SLC12A6: variants seen among roughly 807,000 people sequenced by gnomAD.
SLC12A6 encodes the protein K-Cl cotransporter 3.
A neutral mutation model predicts 135.3 loss-of-function variants in SLC12A6; 66 were observed. That is an observed-to-expected ratio of 0.49 (90% CI 0.40 to 0.60). The LOEUF (loss-of-function observed/expected upper bound fraction) is 0.60, where lower values mean the gene tolerates loss of function less well. Ranked by LOEUF, SLC12A6 falls within the 20% of genes least tolerant of loss-of-function variation. The pLI is 0.00. For missense variants in SLC12A6, 1,058 were observed against 1,452.3 expected (o/e 0.73, Z 4.41); for synonymous variants, 513 against 508.8 (o/e 1.01, Z -0.11).
chr15:34,332,445 C>T lies in SLC12A6; in HGVS notation c.271+3965G>A, dbSNP rs367577916. Among the ~76,000 whole-genome samples the T allele has an allele frequency of 3.3e-5, 5 of 152,132 alleles. No homozygotes were observed. The East Asian group carries it at 9.6e-4, about 29-fold the overall frequency. On this transcript the variant is annotated intron_variant, in intron 2 of 25. Coordinates refer to ENST00000354181, the MANE Select transcript of SLC12A6 (RefSeq NM_001365088.1). ...TAATACCAGACTGCCTCATACATAC[C>T]AGCGTCTCAGGGAGTATCTGTTGAC...
At chr15:34,239,456 C>T (rs1206619701) in intron 19 of SLC12A6, among the ~76,000 whole-genome samples, 1 of 152,176 alleles carries the variant, frequency 6.6e-6, no homozygotes, top group Non-Finnish European at 1.5e-5. Context: ...ACAGGGATCT[C>T]TACAAAGTGA....
At chr15:34,294,925 T>C (rs1005041331) in intron 2 of SLC12A6, among the ~76,000 whole-genome samples, 4 of 152,238 alleles carry the variant, frequency 2.6e-5, no homozygotes, top group African/African-American at 9.6e-5. Flanking sequence ...ACTTTCCCTA[T>C]TCATATTACA....
In SLC12A6 at chr15:34,336,566, A is replaced by G; in HGVS notation, c.115T>C (p.Ser39Pro). 6.2e-7 allele frequency: 1 copy of G among 1,613,996 alleles called. No homozygotes were observed. Among genetic ancestry groups the G allele is most frequent in the Non-Finnish European group, 8.5e-7 (1 of 1,179,968 alleles). Residue 39 changes from serine to proline, a missense_variant, in exon 2 of 26, where the codon TCT becomes CCT. Ser to Pro is a moderately conservative substitution (Grantham distance 74). Transcript: ENST00000354181. ...GAGCTAAATCTTACTCGGGAACTAG[A>G]TCGAGAGCTGAGGTCCGGACTGGTG... ...SDTSPDLSSR[S>P]SSRVRFSSRE...
intron 13 of SLC12A6, 93 bp downstream of exon 13, chr15:34,250,205 G>A: frequency 1.2e-6 from 1 of 836,996 alleles, no homozygotes; most frequent in Non-Finnish European, 2.1e-6. Context: ...GTGCCTGGCT[G>A]TGTTGAGTCT....
chr15:34,303,551 C>A (rs1344288312), intron 2 of SLC12A6, among the ~76,000 whole-genome samples: 1 of 152,080 alleles, frequency 6.6e-6, no homozygotes, highest in Admixed American at 6.6e-5. Flanking sequence ...GAAACATAAA[C>A]TACAGACCTG....
rs930739070 is a variant in SLC12A6, at chr15:34,308,646, A to C, written c.271+27764T>G. 3.4e-4 allele frequency among the ~76,000 whole-genome samples: 52 copies of C among 151,520 alleles called. 2 individuals carry two copies. In the East Asian group the frequency reaches 6.4e-3, roughly 19 times the overall value. ...TCCACCTGACAAAAAAAAAAAAAAA[A>C]AAAAAACAAACCAGATTGTTGGATT... On this transcript the variant is annotated intron_variant, in intron 2 of 25. Transcript: ENST00000354181.
chr15:34,303,284 A>G (rs1056819474), intron 2 of SLC12A6, among the ~76,000 whole-genome samples: 7 of 152,198 alleles, frequency 4.6e-5, no homozygotes, highest in African/African-American at 1.7e-4. Flanking sequence ...AACATTTCCT[A>G]AAGTTTTAAA....
intron 2 of SLC12A6, among the ~76,000 whole-genome samples, chr15:34,297,965 T>C (rs1895986431): frequency 1.3e-5 from 2 of 152,202 alleles, no homozygotes; most frequent in African/African-American, 2.4e-5. Flanking sequence ...GGTCTGTCCA[T>C]GTGCAAACAT....
At chr15:34,335,931 A>C (rs1157776603) in intron 2 of SLC12A6, among the ~76,000 whole-genome samples, 3 of 152,210 alleles carry the variant, frequency 2.0e-5, no homozygotes, top group Admixed American at 2.0e-4. Flanking sequence ...GATTTCAAAA[A>C]AGAATTTTGC....
chr15:34,261,537 A>G (rs560727893), intron 3 of SLC12A6, among the ~76,000 whole-genome samples: 2 of 152,208 alleles, frequency 1.3e-5, no homozygotes, highest in Admixed American at 1.3e-4. Flanking sequence ...GCCTCAAGTT[A>G]TCCGCCCACC....
intron 3 of SLC12A6, among the ~76,000 whole-genome samples, chr15:34,269,039 G>T (rs1057236172): frequency 5.3e-5 from 8 of 151,840 alleles, no homozygotes; most frequent in Admixed American, 5.2e-4. Context: ...TGTATTTTTA[G>T]TAGACATGGG....
At chr15:34,246,896 C>T (rs1397136684) in intron 13 of SLC12A6, among the ~76,000 whole-genome samples, 1 of 152,152 alleles carries the variant, frequency 6.6e-6, no homozygotes, top group Non-Finnish European at 1.5e-5. Flanking sequence ...TGTGATCTTC[C>T]CCTCTTGGCC....
chr15:34,292,242 C>T (rs1447987790), intron 2 of SLC12A6, among the ~76,000 whole-genome samples: 1 of 152,152 alleles, frequency 6.6e-6, no homozygotes, highest in South Asian at 2.1e-4. Flanking sequence ...AACAGACAGG[C>T]CACTCAGCTG....
intron 25 of SLC12A6, among the ~76,000 whole-genome samples, chr15:34,234,206 TA>T (rs1891101716): frequency 6.6e-6 from 1 of 152,044 alleles, no homozygotes; most frequent in African/African-American, 2.4e-5. Flanking sequence ...TGGGAAAACC[TA>T]GAAGTGTTAC....
At chr15:34,260,876 G>T in intron 4 of SLC12A6, 50 bp downstream of exon 4, 1 of 833,688 alleles carries the variant, frequency 1.2e-6, no homozygotes, top group South Asian at 1.3e-5. Context: ...TGGCTATCAT[G>T]AGATCTCTGT....
chr15:34,256,275 C>A lies in SLC12A6; in HGVS notation c.699G>T (p.Leu233Phe). Reference sequence around the variant, plus strand: ...CAATGGCACTCATGGAGATAGCAGTCAACATTGTCTGCAGAGAAAAGGAAA... The same window carrying A: ...CAATGGCACTCATGGAGATAGCAGTAAACATTGTCTGCAGAGAAAAGGAAA... ...IVLICCCCTM[L>F]TAISMSAIAT... Residue 233 changes from leucine to phenylalanine, a missense_variant, in exon 7 of 26, where the codon TTG (leucine) becomes TTT (phenylalanine). Leu to Phe is a conservative substitution (Grantham distance 22). This residue lies in a region of SLC12A6 where 139 missense variants were observed against 202.2 expected (regional missense o/e 0.69). Transcript: ENST00000354181. 4 of 1,603,218 alleles carry A rather than the reference C, an allele frequency of 2.5e-6. No individual in the cohort carries two copies. The highest frequency in any genetic ancestry group is 1.1e-5 in the South Asian group (1 of 90,836).
chr15:34,230,554 G>T lies in SLC12A6; in HGVS notation c.*3327C>A, dbSNP rs996726509. ...ATTGAAGGCAGAGGGTCAGCAGGAG[G>T]ATGTGTATTTCTAATCTACCCTGGT... is the stretch of plus-strand genomic sequence containing the variant. On this transcript the variant is annotated 3_prime_UTR_variant, in exon 26 of 26. Transcript: ENST00000354181. 1 of 152,630 alleles carries T rather than the reference G, an allele frequency of 6.6e-6. No homozygotes were observed. Among genetic ancestry groups the T allele is most frequent in the African/African-American group, 2.4e-5 (1 of 41,436 alleles). The allele number at this position is 152,630 out of a possible 1,614,324, so 9.5% of individuals were successfully genotyped here.
chr15:34,291,289 T>G (rs1895506902), intron 2 of SLC12A6, among the ~76,000 whole-genome samples: 1 of 152,230 alleles, frequency 6.6e-6, no homozygotes, highest in African/African-American at 2.4e-5. Flanking sequence ...TTCTTTTCTT[T>G]CAGAATGTTG....
intron 2 of SLC12A6, among the ~76,000 whole-genome samples, chr15:34,302,957 C>CAAAA (rs35647149): frequency 6.0e-5 from 5 of 83,276 alleles, no homozygotes; most frequent in Non-Finnish European, 8.0e-5. Flanking sequence ...GACCCTGTCT[C>CAAAA]AAAAAAAAAA....
Sources: allele counts gnomAD v4.1 joint callset (sites outside exome capture counted in the v4.1 genomes callset), GRCh38; gene constraint gnomAD v4.1.1; regional missense constraint gnomAD v4.1.1; transcripts MANE v1.5; gene names NCBI Gene and HGNC (gene_info 2026-07-23, HGNC 2026-07-21).